Variants in DMWD observed in about 807,000 individuals in gnomAD.
DMWD encodes the protein DM1 locus, WD repeat containing.
In DMWD, 19 loss-of-function variants were observed where a neutral mutation model predicts 45.8. That is an observed-to-expected ratio of 0.41 (90% CI 0.29 to 0.61). DMWD has a LOEUF of 0.61. Ranked by LOEUF, DMWD falls within the 20% of genes least tolerant of loss-of-function variation. DMWD has a pLI of 0.25. For missense variants in DMWD, 802 were observed against 965.2 expected (o/e 0.83, Z 2.24); for synonymous variants, 515 against 440.5 (o/e 1.17, Z -2.12).
Position 45,784,129 on chromosome 19 carries a change from G to A in DMWD, c.*114C>T, listed in dbSNP as rs1272742093. 5 of 948,950 alleles carry A rather than the reference G, an allele frequency of 5.3e-6. No homozygotes were observed. The East Asian group carries it at 7.5e-5, about 14-fold the overall frequency. 58.8% of individuals were successfully genotyped at this position (948,950 alleles called of 1,614,324 possible). ...ATTTTGTGCAGGTGGGGGGACTGGA[G>A]CAGTCCATCCATCATGGTTAGTCTT... On this transcript the variant is annotated 3_prime_UTR_variant, in exon 5 of 5. Coordinates refer to ENST00000270223, the MANE Select transcript of DMWD (RefSeq NM_004943.2).
rs763247338 is a variant in DMWD at position 45,786,821 on chromosome 19, C to A, written c.675G>T (p.Ser225=). 1.2e-5 allele frequency: 19 copies of A among 1,614,096 alleles called. No homozygotes were observed. Among genetic ancestry groups the A allele is most frequent in the Non-Finnish European group, 1.6e-5 (19 of 1,180,030 alleles). The change falls in exon 3 of 5, where the codon TCG becomes TCT. Residue 225 remains serine (S), a synonymous_variant. Transcript: ENST00000270223. ...KVTYLKWLPE[S]ESLFLASHAS... The stretch of plus-strand genomic sequence containing the variant: ...CGTGTGATGCCAGGAACAGGCTCTC[C>A]GACTCAGGCAGCCACTTCAGATATG...
chr19:45,786,984 G>C lies in DMWD; in HGVS notation c.625-113C>G, dbSNP rs959525107. The C allele has an allele frequency of 1.3e-5, 20 of 1,490,754 alleles. No homozygotes were observed. The Admixed American group carries it at 1.7e-4, about 13-fold the overall frequency. The allele number at this position is 1,490,754 out of a possible 1,614,324, so 92.3% of individuals were successfully genotyped here. On this transcript the variant is annotated intron_variant, in intron 2 of 4. Transcript: ENST00000270223. ...TGGACATGGCCCCGCTCACACAGCA[G>C]GTGCCACACCAGGCCCAGGTCCTCC...
chr19:45,790,845 T>C (rs1600466286), intron 2 of DMWD, 60 bp downstream of exon 2: 1 of 1,540,520 alleles, frequency 6.5e-7, no homozygotes, highest in Middle Eastern at 2.4e-4. Flanking sequence ...TGCATCCTAA[T>C]GGCATATAGT....
chr19:45,792,181 T>C, intron 1 of DMWD, 135 bp downstream of exon 1: 2 of 1,393,986 alleles, frequency 1.4e-6, no homozygotes, highest in Non-Finnish European at 9.4e-7. Context: ...CTCCCTCCAA[T>C]GCTGTCGCCC....
In DMWD at chr19:45,792,745, G is replaced by T; in HGVS notation, c.12C>A (p.Gly4=). ...CGGGGCCCGAGCCGCCCTCCGCGCC[G>T]CCCGCCGCCATCTTGGGCGCCCCCC... is the stretch of plus-strand genomic sequence containing the variant. MAA[G]GAEGGSGPGA... is the part of the protein sequence containing the mutation. Residue 4 remains glycine, a synonymous_variant, in exon 1 of 5, where the codon GGC becomes GGA. Coordinates refer to ENST00000270223, the MANE Select transcript of DMWD (RefSeq NM_004943.2). 8.8e-7 allele frequency: 1 copy of T among 1,140,224 alleles called. No homozygotes were observed. Among genetic ancestry groups the T allele is most frequent in the Non-Finnish European group, 1.1e-6 (1 of 927,458 alleles). 70.6% of individuals were successfully genotyped at this position (1,140,224 alleles called of 1,614,324 possible). A position where few individuals can be genotyped will look rare whatever the true frequency, so the allele number is the denominator to read the frequency against.
chr19:45,784,096 G>T lies in DMWD; in HGVS notation c.*147C>A. On this transcript the variant is annotated 3_prime_UTR_variant, in exon 5 of 5. Coordinates refer to ENST00000270223, the MANE Select transcript of DMWD (RefSeq NM_004943.2). Reference sequence around the variant, plus strand: ...GCCCGTGTCCGGGCCAGTCTGGGGGGCCCCCAAATTTTGTGCAGGTGGGGG... The same window carrying T: ...GCCCGTGTCCGGGCCAGTCTGGGGGTCCCCCAAATTTTGTGCAGGTGGGGG... The T allele has an allele frequency of 1.4e-6, 1 of 728,200 alleles. No homozygotes were observed. Among genetic ancestry groups the T allele is most frequent in the Non-Finnish European group, 2.4e-6 (1 of 415,020 alleles). 45.1% of individuals were successfully genotyped at this position (728,200 alleles called of 1,614,324 possible).
rs1478532126 is a variant in DMWD at position 45,784,710 on chromosome 19, T to G, written c.1908A>C (p.Thr636=). ...CTGTCTGGGCCTCGGTCTCCTCGTC[T>G]GTGAACTACGGAGACAGAGGGGTCT... ...CTWARPGKAF[T]DEETEAQTGE... The change falls in exon 4 of 5, where the codon ACA becomes ACC. Residue 636 remains threonine (T), a synonymous_variant. Transcript: ENST00000270223. 6.2e-7 allele frequency: 1 copy of G among 1,613,696 alleles called. No homozygotes were observed. Among genetic ancestry groups the G allele is most frequent in the Non-Finnish European group, 8.5e-7 (1 of 1,179,794 alleles).
At position 45,784,071 on chromosome 19, in the gene DMWD, G is replaced by A. The variant is rs552597954; in HGVS notation, c.*172C>T. On this transcript the variant is annotated 3_prime_UTR_variant, in exon 5 of 5. Transcript: ENST00000270223. ...CTGAGGCCACAAGGGCTATTACATC[G>A]CCCGTGTCCGGGCCAGTCTGGGGGG... 1.1e-5 allele frequency: 7 copies of A among 663,562 alleles called. No homozygotes were observed. The highest frequency in any genetic ancestry group is 7.3e-5 in the African/African-American group (4 of 55,044). 41.1% of individuals were successfully genotyped at this position (663,562 alleles called of 1,614,324 possible). A position where few individuals can be genotyped will look rare whatever the true frequency, so the allele number is the denominator to read the frequency against.
chr19:45,788,010 G>A (rs1970304667), intron 2 of DMWD, among the ~76,000 whole-genome samples: 2 of 152,184 alleles, frequency 1.3e-5, no homozygotes, highest in Admixed American at 6.5e-5. Context: ...CCGGGAGGCG[G>A]AGGTTGCAGT....
At chr19:45,785,457 C>CT (rs1220276881) in intron 3 of DMWD, 137 bp downstream of exon 3, 14 of 1,391,636 alleles carry the variant, frequency 1.0e-5, no homozygotes, top group Non-Finnish European at 1.3e-5. Context: ...TACTGAGACA[C>CT]TAAGATTTCC....
rs1469794922 is a variant in DMWD, at chr19:45,784,085, C to G, written c.*158G>C. 2 of 690,954 alleles carry G rather than the reference C, an allele frequency of 2.9e-6. No homozygotes were observed. Among genetic ancestry groups the G allele is most frequent in the South Asian group, 1.6e-5 (1 of 63,448 alleles). 42.8% of individuals were successfully genotyped at this position (690,954 alleles called of 1,614,324 possible). On this transcript the variant is annotated 3_prime_UTR_variant, in exon 5 of 5. Coordinates refer to ENST00000270223, the MANE Select transcript of DMWD (RefSeq NM_004943.2). ...GCTATTACATCGCCCGTGTCCGGGC[C>G]AGTCTGGGGGGCCCCCAAATTTTGT...
At chr19:45,784,606 G>A (rs1970244682) in intron 4 of DMWD, 35 bp downstream of exon 4, 1 of 1,613,950 alleles carries the variant, frequency 6.2e-7, no homozygotes, top group Non-Finnish European at 8.5e-7. Context: ...GAGGGACCCT[G>A]AGGTGCTGGG....
chr19:45,786,470 C>T lies in DMWD; in HGVS notation c.1026G>A (p.Val342=), dbSNP rs746931183. The change falls in exon 3 of 5, where the codon GTG becomes GTA. Residue 342 remains valine, a synonymous_variant. Coordinates refer to ENST00000270223, the MANE Select transcript of DMWD (RefSeq NM_004943.2). ...VCWSPDGRYV[V]TGGEDDLVTV... is the part of the protein sequence containing the mutation. ...TGACCAGGTCATCTTCGCCACCCGT[C>T]ACCACGTAGCGGCCGTCAGGGCTCC... 1 of 1,612,998 alleles carries T rather than the reference C, an allele frequency of 6.2e-7. No individual in the cohort carries two copies. The highest frequency in any genetic ancestry group is 8.5e-7 in the Non-Finnish European group (1 of 1,179,120).
intron 1 of DMWD, 109 bp from the exon 2 acceptor site, chr19:45,791,196 G>C: frequency 8.5e-7 from 1 of 1,178,836 alleles, no homozygotes; most frequent in South Asian, 1.5e-5. Flanking sequence ...GAACCCAGAG[G>C]GAAGTGGGGA....
Position 45,783,957 on chromosome 19 carries a change from AC to A in DMWD, c.*285del. On this transcript the variant is annotated 3_prime_UTR_variant, in exon 5 of 5. Transcript: ENST00000270223. ...GGCGGGGAGTCTCTCCCCAGGAGTG[AC>A]CAGTCACATGCTGGGGACAGGGATG... 1.7e-6 allele frequency: 1 copy of A among 589,104 alleles called. No individual in the cohort carries two copies. Among genetic ancestry groups the A allele is most frequent in the Non-Finnish European group, 3.0e-6 (1 of 336,906 alleles). The allele number at this position is 589,104 out of a possible 1,614,324, so 36.5% of individuals were successfully genotyped here. A position where few individuals can be genotyped will look rare whatever the true frequency, so the allele number is the denominator to read the frequency against.
Position 45,791,021 on chromosome 19 carries a change from A to C in DMWD, c.508T>G (p.Phe170Val). The stretch of plus-strand genomic sequence containing the variant: ...TCGGTGGCAGCAGTGAACTGGTTGA[A>C]ATCGTGGCAGGTGGGCTGGGTGCCC... The part of the protein sequence containing the change: ...YKGTQPTCHD[F>V]NQFTAATETI... Residue 170 changes from phenylalanine (F) to valine (V), a missense_variant, in exon 2 of 5, where the codon TTC becomes GTC. By Grantham distance (50) the Phe-to-Val change is conservative. Transcript: ENST00000270223. 1 of 1,613,824 alleles carries C rather than the reference A, an allele frequency of 6.2e-7. No homozygotes were observed. Among genetic ancestry groups the C allele is most frequent in the Non-Finnish European group, 8.5e-7 (1 of 1,179,926 alleles).
Position 45,792,832 on chromosome 19 carries a change from G to T in DMWD, c.-76C>A, listed in dbSNP as rs572060917. ...GCCCCCTCCCGGAAGCCGCTGGCCC[G>T]CGCCGGAAAAGGTGGGGTCGTCGCC... On this transcript the variant is annotated 5_prime_UTR_variant, in exon 1 of 5. Coordinates refer to ENST00000270223, the MANE Select transcript of DMWD (RefSeq NM_004943.2). 8.5e-6 allele frequency: 9 copies of T among 1,060,968 alleles called. No individual in the cohort carries two copies. In the East Asian group the frequency reaches 5.2e-4, roughly 62 times the overall value. The allele number at this position is 1,060,968 out of a possible 1,614,324, so 65.7% of individuals were successfully genotyped here. A position where few individuals can be genotyped will look rare whatever the true frequency, so the allele number is the denominator to read the frequency against.
Position 45,785,815 on chromosome 19 carries a change from C to T in DMWD, c.1681G>A (p.Gly561Arg), listed in dbSNP as rs1970263250. The stretch of plus-strand genomic sequence containing the variant: ...GGAACAGGGCCGCTGGGCTTCTCCC[C>T]ACCACTGCCACTGCCGCCACTGCCA... ...RGGSGGSGSGGEKPSGPVPRS... is the reference protein window; with the variant it reads ...RGGSGGSGSGREKPSGPVPRS... The change falls in exon 3 of 5, where the codon GGG (glycine) becomes AGG (arginine). Residue 561 changes from glycine to arginine, a missense_variant. Physicochemically the swap from Gly to Arg is moderately radical, Grantham distance 125. Coordinates refer to ENST00000270223, the MANE Select transcript of DMWD (RefSeq NM_004943.2). 5 of 1,611,568 alleles carry T rather than the reference C, an allele frequency of 3.1e-6. No individual in the cohort carries two copies. In the East Asian group the frequency reaches 1.1e-4, roughly 36 times the overall value.
rs1479162567 is a variant in DMWD, at chr19:45,785,476, C to T, written c.1902+118G>A. 2.9e-6 allele frequency: 4 copies of T among 1,399,726 alleles called. No individual in the cohort carries two copies. In the South Asian group the frequency reaches 5.0e-5, roughly 18 times the overall value. 86.7% of individuals were successfully genotyped at this position (1,399,726 alleles called of 1,614,324 possible). On this transcript the variant is annotated intron_variant, in intron 3 of 4. Coordinates refer to ENST00000270223, the MANE Select transcript of DMWD (RefSeq NM_004943.2). ...GAGACACTAAGATTTCCCTGGCTTC[C>T]CCTCACCCCACGGAGCCAGAGGCTG... is the stretch of plus-strand genomic sequence containing the variant.
Sources: gnomAD v4.1 joint callset for allele counts (sites outside exome capture counted in the v4.1 genomes callset) on GRCh38, gnomAD v4.1.1 for gene constraint, MANE v1.5 for transcripts, NCBI Gene and HGNC (gene_info 2026-07-23, HGNC 2026-07-21) for gene names.